ZC4H2: variants seen among roughly 807,000 people sequenced by gnomAD.
ZC4H2 encodes zinc finger C4H2 domain-containing protein.
For synonymous variants in ZC4H2, 84 were observed against 66.3 expected, an observed-to-expected ratio of 1.27 and a Z score of -1.30; for missense variants, 137 against 173.9, an observed-to-expected ratio of 0.79 and a Z score of 1.19.
intron 1 of ZC4H2, among the ~76,000 whole-genome samples, chrX:64,933,564 C>T (rs1436288927): frequency 1.8e-5 from 2 of 110,123 alleles, no homozygotes; most frequent in Admixed American, 9.7e-5. Context: ...GGATCATACG[C>T]CAATGTTTAT....
intron 1 of ZC4H2, among the ~76,000 whole-genome samples, chrX:65,002,501 C>T (rs1466580637): frequency 8.2e-5 from 9 of 109,396 alleles, no homozygotes; most frequent in Non-Finnish European, 1.2e-4. Flanking sequence ...TCTGCCCGGC[C>T]GCCCCTTCTG....
chrX:64,941,287 C>A (rs1209856829), intron 1 of ZC4H2, among the ~76,000 whole-genome samples: 1 of 111,701 alleles, frequency 9.0e-6, no homozygotes, highest in African/African-American at 3.3e-5. Flanking sequence ...GCTTAAGGAG[C>A]TTTGGGCTGA....
chrX:65,002,546 C>T (rs1394096792), intron 1 of ZC4H2, among the ~76,000 whole-genome samples: 6 of 111,766 alleles, frequency 5.4e-5, no homozygotes, highest in African/African-American at 1.9e-4. Context: ...GCCGCCACCC[C>T]GTCTGGGAGG....
chrX:64,944,463 G>A (rs1293193615), intron 1 of ZC4H2, among the ~76,000 whole-genome samples: 1 of 110,896 alleles, frequency 9.0e-6, no homozygotes, highest in East Asian at 2.8e-4. Flanking sequence ...TAGTCTGATG[G>A]GCTTCTTTTG....
chrX:65,031,059 T>C (rs1932929355), intron 1 of ZC4H2, among the ~76,000 whole-genome samples: 1 of 111,496 alleles, frequency 9.0e-6, no homozygotes, highest in South Asian at 3.8e-4. Flanking sequence ...ATAATAATCC[T>C]CCTTAAATTA....
At chrX:64,927,562 T>C (rs762532765) in intron 1 of ZC4H2, among the ~76,000 whole-genome samples, 4 of 112,314 alleles carry the variant, frequency 3.6e-5, no homozygotes, top group Middle Eastern at 4.6e-3. Flanking sequence ...TCCAAGTCTT[T>C]GCTATTGTGA....
At chrX:64,977,925 G>T (rs1367554231), upstream of ZC4H2, among the ~76,000 whole-genome samples, 1 of 111,981 alleles carries the variant, frequency 8.9e-6, no homozygotes, top group Non-Finnish European at 1.9e-5. Context: ...GCAAAGTGGA[G>T]AATGATTAGA....
At chrX:65,023,671 A>T (rs1256404373) in intron 1 of ZC4H2, among the ~76,000 whole-genome samples, 1 of 111,623 alleles carries the variant, frequency 9.0e-6, no homozygotes, top group East Asian at 2.8e-4. Context: ...GTGTAAATTG[A>T]TTCAACTATT....
intron 2 of ZC4H2, among the ~76,000 whole-genome samples, chrX:64,920,520 A>G (rs768180531): frequency 7.0e-4 from 79 of 112,289 alleles, no homozygotes; most frequent in African/African-American, 2.5e-3. Context: ...GGCTAAATTA[A>G]TATTTACTGC....
chrX:65,014,005 T>C (rs1932781239), intron 1 of ZC4H2, among the ~76,000 whole-genome samples: 1 of 110,582 alleles, frequency 9.0e-6, no homozygotes, highest in African/African-American at 3.3e-5. Context: ...AAAAGCTTTA[T>C]AATAATCAGG....
intron 1 of ZC4H2, among the ~76,000 whole-genome samples, chrX:65,031,660 T>C (rs753151321): frequency 1.5e-4 from 17 of 112,320 alleles, no homozygotes; most frequent in African/African-American, 5.2e-4. Flanking sequence ...GGAATGTAGA[T>C]AAATCTCTCC....
chrX:64,969,627 G>GAAATGTAAATTCT (rs1931708404), intron 1 of ZC4H2, among the ~76,000 whole-genome samples: 1 of 111,646 alleles, frequency 9.0e-6, no homozygotes, highest in African/African-American at 3.3e-5. Context: ...CATTGCCTGG[G>GAAATGTAAATTCT]AACTTGTTAG....
chrX:64,939,503 C>G (rs1022480888), intron 1 of ZC4H2, among the ~76,000 whole-genome samples: 1 of 112,038 alleles, frequency 8.9e-6, no homozygotes, highest in Non-Finnish European at 1.9e-5. Context: ...GCAAAAAGAA[C>G]AAAGCTGGAG....
chrX:64,954,312 GTATAATTATATATATATATATA>G lies in ZC4H2; in HGVS notation c.53+21991_53+22012del, dbSNP rs1273616650. On this transcript the variant is annotated intron_variant, in intron 1 of 4. Coordinates refer to ENST00000374839, the MANE Select transcript of ZC4H2 (RefSeq NM_018684.4). The stretch of plus-strand genomic sequence containing the variant: ...GTACACATGTACCCTAAAACTTAAA[GTATAATTATATATATATATATA>G]TATAATTATATATATATATAATTAT... 2.7e-3 allele frequency among the ~76,000 whole-genome samples: 175 copies of G among 65,079 alleles called. 7 individuals carry two copies. Among genetic ancestry groups the G allele is most frequent in the African/African-American group, 0.02 (140 of 7,085 alleles). The allele number at this position is 65,079 out of a possible 115,157, so 56.5% of individuals were successfully genotyped here.
At chrX:64,935,311 C>T (rs1445848362) in intron 1 of ZC4H2, among the ~76,000 whole-genome samples, 1 of 112,002 alleles carries the variant, frequency 8.9e-6, no homozygotes, top group Non-Finnish European at 1.9e-5. Context: ...GAAAAAAAGG[C>T]AGGAGCCCCA....
At chrX:64,948,045 C>T (rs1930622027) in intron 1 of ZC4H2, among the ~76,000 whole-genome samples, 1 of 110,782 alleles carries the variant, frequency 9.0e-6, no homozygotes, top group South Asian at 3.9e-4. Flanking sequence ...TTAACGACCC[C>T]CAGGAGCACT....
intron 1 of ZC4H2, among the ~76,000 whole-genome samples, chrX:65,029,753 T>G: frequency 9.0e-6 from 1 of 111,221 alleles, no homozygotes; most frequent in African/African-American, 3.3e-5. Flanking sequence ...TGAGAAAAAT[T>G]CCTGTAACCT....
At chrX:64,930,909 C>A (rs1929711954) in intron 1 of ZC4H2, among the ~76,000 whole-genome samples, 1 of 111,771 alleles carries the variant, frequency 8.9e-6, no homozygotes, top group South Asian at 3.7e-4. Context: ...CTTTTACTGT[C>A]TTTTGGAATG....
intron 1 of ZC4H2, among the ~76,000 whole-genome samples, chrX:65,003,532 T>C (rs1232300928): frequency 9.0e-6 from 1 of 111,293 alleles, no homozygotes; most frequent in Non-Finnish European, 1.9e-5. Context: ...GATAGACTGC[T>C]AGCGAGACTA....
Sources: allele counts gnomAD v4.1 joint callset (sites outside exome capture counted in the v4.1 genomes callset), GRCh38; gene constraint gnomAD v4.1.1; transcripts MANE v1.5; gene names NCBI Gene and HGNC (gene_info 2026-07-23, HGNC 2026-07-21).